NAA15: variants seen among roughly 807,000 people sequenced by gnomAD.
NAA15 encodes N-alpha-acetyltransferase 15, NatA auxiliary subunit.
A neutral mutation model predicts 114.0 loss-of-function variants in NAA15; 34 were observed. The observed-to-expected ratio is 0.30, with a 90% CI of 0.23 to 0.40. The LOEUF is 0.40. NAA15 is among the 10% of genes least tolerant of loss of function. The pLI is 1.00. For synonymous variants in NAA15, 340 were observed against 338.0 expected, an observed-to-expected ratio of 1.01 and a Z score of -0.06; for missense variants, 658 against 1,004.5, an observed-to-expected ratio of 0.66 and a Z score of 4.66.
intron 18 of NAA15, among the ~76,000 whole-genome samples, chr4:139,385,285 T>C (rs146087410): frequency 1.0e-5 from 1 of 97,404 alleles, no homozygotes; most frequent in Non-Finnish European, 2.3e-5. Flanking sequence ...ATATATATAA[T>C]ATATATATAT....
chr4:139,369,713 G>A (rs1454422178), intron 14 of NAA15, among the ~76,000 whole-genome samples: 3 of 141,526 alleles, frequency 2.1e-5, no homozygotes, highest in Non-Finnish European at 4.5e-5. Flanking sequence ...ACTCCAGCAT[G>A]GGTGACAGAG....
chr4:139,330,502 A>G (rs867249116), intron 1 of NAA15, among the ~76,000 whole-genome samples: 10 of 152,198 alleles, frequency 6.6e-5, no homozygotes, highest in South Asian at 2.1e-4. Flanking sequence ...TTAGGAAGCT[A>G]TTGCCAAGAA....
chr4:139,351,755 G>T (rs1400318840), intron 9 of NAA15, 144 bp downstream of exon 9: 2 of 477,186 alleles, frequency 4.2e-6, no homozygotes, highest in South Asian at 4.7e-5. Context: ...AAATGCTTCT[G>T]ATTCCTCTTT....
rs188006465 is a variant in NAA15, at chr4:139,346,932, G to A, written c.692-2530G>A. 5.2e-3 allele frequency among the ~76,000 whole-genome samples: 789 copies of A among 152,244 alleles called. 9 individuals carry two copies. The highest frequency in any genetic ancestry group is 0.018 in the African/African-American group (756 of 41,530). On this transcript the variant is annotated intron_variant, in intron 6 of 19. Coordinates refer to ENST00000296543, the MANE Select transcript of NAA15 (RefSeq NM_057175.5). Reference sequence around the variant, plus strand: ...GGGTATAGTGTAGAGGGGAGTAAAGGTGCAGGTTATTTTTATTTTTTATTT... The same window carrying A: ...GGGTATAGTGTAGAGGGGAGTAAAGATGCAGGTTATTTTTATTTTTTATTT...
chr4:139,331,527 G>A (rs972393928), intron 1 of NAA15, among the ~76,000 whole-genome samples: 3 of 150,610 alleles, frequency 2.0e-5, no homozygotes, highest in Non-Finnish European at 3.0e-5. Flanking sequence ...GCTCACTGCA[G>A]CCTCCGCCTC....
chr4:139,347,286 G>A (rs898666713), intron 6 of NAA15, among the ~76,000 whole-genome samples: 1 of 152,060 alleles, frequency 6.6e-6, no homozygotes, highest in Non-Finnish European at 1.5e-5. Context: ...TTCAGACATT[G>A]CTAAATGTTG....
chr4:139,334,377 C>T (rs376788884), intron 2 of NAA15, 119 bp downstream of exon 2: 19 of 535,130 alleles, frequency 3.6e-5, no homozygotes, highest in African/African-American at 5.9e-5. Flanking sequence ...TCTTTGACTT[C>T]TGTGAGAAAG....
At chr4:139,314,993 C>CAGTTTAGTTTAGTTTAGTTT (rs1177329024) in intron 1 of NAA15, among the ~76,000 whole-genome samples, 6 of 17,440 alleles carry the variant, frequency 3.4e-4, no homozygotes, top group Admixed American at 4.9e-4. Context: ...GCGTTCAGTT[C>CAGTTTAGTTTAGTTTAGTTT]AGTTCAGTTT....
At position 139,388,375 on chromosome 4, in the gene NAA15, A is replaced by T. The variant is rs1482660263; in HGVS notation, c.*291A>T. On this transcript the variant is annotated 3_prime_UTR_variant, in exon 20 of 20. Transcript: ENST00000296543. ...CACCCATGTTTTTAAACTAATTTATATAAAATCTGGAGGCTGTTACAGCTA... is the reference window on the plus strand; with the variant it reads ...CACCCATGTTTTTAAACTAATTTATTTAAAATCTGGAGGCTGTTACAGCTA... The T allele has an allele frequency of 2.3e-5, 5 of 220,724 alleles. No individual in the cohort carries two copies. Among genetic ancestry groups the T allele is most frequent in the Non-Finnish European group, 4.5e-5 (5 of 111,170 alleles). The allele number at this position is 220,724 out of a possible 1,614,324, so 13.7% of individuals were successfully genotyped here.
At chr4:139,322,490 G>T (rs996626199) in intron 1 of NAA15, among the ~76,000 whole-genome samples, 1 of 152,186 alleles carries the variant, frequency 6.6e-6, no homozygotes, top group African/African-American at 2.4e-5. Context: ...TATTCCTAAG[G>T]TGTGAGCTTT....
At position 139,301,745 on chromosome 4, in the gene NAA15, G is replaced by A; in HGVS notation, c.-33G>A. The A allele has an allele frequency of 1.9e-6, 3 of 1,553,044 alleles. No individual in the cohort carries two copies. Among genetic ancestry groups the A allele is most frequent in the Non-Finnish European group, 1.7e-6 (2 of 1,147,120 alleles). On this transcript the variant is annotated 5_prime_UTR_variant, in exon 1 of 20. It adds an upstream start codon to the 5' untranslated region. Coordinates refer to ENST00000296543, the MANE Select transcript of NAA15 (RefSeq NM_057175.5). Reference sequence around the variant, plus strand: ...CGGACAAACTGACTGACCGAGCCGGGTGGTGGCGGGAGCAGCGGGAGCAGC... The same window carrying A: ...CGGACAAACTGACTGACCGAGCCGGATGGTGGCGGGAGCAGCGGGAGCAGC...
At chr4:139,358,295 C>G (rs1748028377) in intron 11 of NAA15, among the ~76,000 whole-genome samples, 1 of 151,180 alleles carries the variant, frequency 6.6e-6, no homozygotes, top group Non-Finnish European at 1.5e-5. Context: ...CGGGTTGAAG[C>G]AATTCTCATG....
Position 139,359,866 on chromosome 4 carries a change from G to T in NAA15, c.1381G>T (p.Ala461Ser). The change falls in exon 12 of 20, where the codon GCT becomes TCT. Residue 461 changes from alanine (A) to serine (S), a missense_variant. By Grantham distance (99) the Ala-to-Ser change is moderately conservative. Transcript: ENST00000296543. Reference sequence around the variant, plus strand: ...GCTAAAAGCCAACCTGATTAAAGAAGCTGAAGAAATGTGCTCAAAGTTTAC... The same window carrying T: ...GCTAAAAGCCAACCTGATTAAAGAATCTGAAGAAATGTGCTCAAAGTTTAC... ...YMLKANLIKE[A>S]EEMCSKFTRE... 1 of 1,599,658 alleles carries T rather than the reference G, an allele frequency of 6.3e-7. No homozygotes were observed. The highest frequency in any genetic ancestry group is 1.4e-5 in the African/African-American group (1 of 73,938).
intron 17 of NAA15, among the ~76,000 whole-genome samples, chr4:139,382,332 C>T (rs901988143): frequency 6.6e-6 from 1 of 151,990 alleles, no homozygotes; most frequent in African/African-American, 2.4e-5. Context: ...TTGGAATCAG[C>T]TGTTAGTGAA....
chr4:139,350,097 A>G (rs1251981117), intron 7 of NAA15, among the ~76,000 whole-genome samples: 2 of 152,210 alleles, frequency 1.3e-5, no homozygotes, highest in African/African-American at 2.4e-5. Flanking sequence ...TTGAGAAAAT[A>G]ATTTTAGAGA....
At chr4:139,368,928 G>A (rs1748357215) in intron 14 of NAA15, among the ~76,000 whole-genome samples, 1 of 152,134 alleles carries the variant, frequency 6.6e-6, no homozygotes, top group African/African-American at 2.4e-5. Context: ...TAGCATATTT[G>A]TCAGTGATTT....
intron 18 of NAA15, among the ~76,000 whole-genome samples, chr4:139,385,349 C>T (rs767799459): frequency 2.0e-4 from 27 of 134,778 alleles, no homozygotes; most frequent in African/African-American, 6.2e-4. Context: ...TAATTTCTTA[C>T]GGCAAAATAA....
intron 16 of NAA15, among the ~76,000 whole-genome samples, chr4:139,377,985 T>C (rs1579136258): frequency 6.6e-6 from 1 of 152,180 alleles, no homozygotes; most frequent in African/African-American, 2.4e-5. Flanking sequence ...GCATTTGGAA[T>C]CCACTGCAGT....
chr4:139,308,666 T>C (rs2110827687), intron 1 of NAA15, among the ~76,000 whole-genome samples: 1 of 152,314 alleles, frequency 6.6e-6, no homozygotes, highest in South Asian at 2.1e-4. Flanking sequence ...TGGCGTGATC[T>C]CAGCTCACTG....
Sources: allele counts gnomAD v4.1 joint callset (sites outside exome capture counted in the v4.1 genomes callset), GRCh38; gene constraint gnomAD v4.1.1; transcripts MANE v1.5; gene names NCBI Gene and HGNC (gene_info 2026-07-23, HGNC 2026-07-21).